The following PIK3AP1 variants were observed in gnomAD, a reference collection of about 807,000 sequenced individuals.
The protein encoded by PIK3AP1 is phosphoinositide 3-kinase adapter protein 1.
Under a neutral mutation model 88.1 loss-of-function variants are expected in PIK3AP1, and 21 were observed. The observed-to-expected ratio is 0.24, with a 90% CI of 0.17 to 0.34. PIK3AP1 has a LOEUF of 0.34. Ranked by LOEUF, PIK3AP1 falls within the 10% of genes least tolerant of loss-of-function variation. The pLI, the probability that PIK3AP1 is intolerant of heterozygous loss-of-function variation, is 1.00. For synonymous variants in PIK3AP1, 398 were observed against 400.0 expected, an observed-to-expected ratio of 1.00 and a Z score of 0.06; for missense variants, 828 against 1,035.7, an observed-to-expected ratio of 0.80 and a Z score of 2.75.
At chr10:96,636,783 C>T (rs547395728) in intron 8 of PIK3AP1, among the ~76,000 whole-genome samples, 2 of 152,326 alleles carry the variant, frequency 1.3e-5, no homozygotes, top group African/African-American at 4.8e-5. Flanking sequence ...TAGAGTCACA[C>T]TGCACTGTAC....
intron 2 of PIK3AP1, among the ~76,000 whole-genome samples, chr10:96,698,046 C>T (rs983650483): frequency 3.9e-5 from 6 of 152,152 alleles, no homozygotes; most frequent in Non-Finnish European, 7.3e-5. Context: ...TATTCCATTG[C>T]ATAGATGCAA....
intron 2 of PIK3AP1, among the ~76,000 whole-genome samples, chr10:96,664,797 C>G (rs1162577331): frequency 4.6e-5 from 7 of 152,164 alleles, no homozygotes; most frequent in Non-Finnish European, 1.0e-4. Context: ...CAGGGTTATT[C>G]TGGTGGCGCT....
At chr10:96,607,129 G>GT (rs879309505) in intron 14 of PIK3AP1, among the ~76,000 whole-genome samples, 5 of 151,866 alleles carry the variant, frequency 3.3e-5, no homozygotes, top group Non-Finnish European at 5.9e-5. Flanking sequence ...TAAAAACAGT[G>GT]TTTTTTTTAG....
intron 8 of PIK3AP1, chr10:96,633,003 C>T: frequency 6.2e-7 from 1 of 1,612,662 alleles, no homozygotes; most frequent in Non-Finnish European, 8.5e-7. Flanking sequence ...ATCTGATCAG[C>T]AACTCAGATG....
chr10:96,689,465 G>A (rs1050854642), intron 2 of PIK3AP1, among the ~76,000 whole-genome samples: 1 of 150,980 alleles, frequency 6.6e-6, no homozygotes, highest in Non-Finnish European at 1.5e-5. Context: ...AGCTACTCAG[G>A]AGGCCGAGGC....
chr10:96,653,405 C>CAA lies in PIK3AP1; in HGVS notation c.568-565_568-564dup, dbSNP rs779735112. ...GGGCAACAGAGGCAAGGCTCTGTCT[C>CAA]AAAAAAAAAAAAAAACACACACACA... On this transcript the variant is annotated intron_variant, in intron 3 of 16. Coordinates refer to ENST00000339364, the MANE Select transcript of PIK3AP1 (RefSeq NM_152309.3). 8.2e-4 allele frequency among the ~76,000 whole-genome samples: 55 copies of CAA among 67,358 alleles called. 1 individual carries two copies. The highest frequency in any genetic ancestry group is 1.5e-3 in the East Asian group (3 of 2,020). The allele number at this position is 67,358 out of a possible 152,430, so 44.2% of individuals were successfully genotyped here.
Position 96,709,944 on chromosome 10 carries a change from G to A in PIK3AP1, c.53C>T (p.Pro18Leu), listed in dbSNP as rs373505645. Residue 18 changes from proline to leucine, a missense_variant, in exon 2 of 17, where the codon CCG (proline) becomes CTG (leucine). Transcript: ENST00000339364. ...RGCDILIVYS[P>L]DAEEWCQYLQ... is the part of the protein sequence containing the mutation. ...GTACTGGCACCATTCCTCGGCATCC[G>A]GGCTGTAGACGATGAGGATGTCGCA... is the stretch of plus-strand genomic sequence containing the variant. 11 of 1,602,568 alleles carry A rather than the reference G, an allele frequency of 6.9e-6. No homozygotes were observed. The highest frequency in any genetic ancestry group is 3.3e-4 in the Middle Eastern group (2 of 6,042).
At position 96,673,124 on chromosome 10, in the gene PIK3AP1, A is replaced by G. The variant is rs9783228; in HGVS notation, c.431-16190T>C. On this transcript the variant is annotated intron_variant, in intron 2 of 16. Coordinates refer to ENST00000339364, the MANE Select transcript of PIK3AP1 (RefSeq NM_152309.3). ...CAGAAAACATGACCCAAAAGGGGAA[A>G]AGATTCTGCTAGGTGAGCTGCATCT... Among the ~76,000 whole-genome samples, 781 of 152,332 alleles carry G rather than the reference A, an allele frequency of 5.1e-3. 7 individuals are homozygous for G. Among genetic ancestry groups the G allele is most frequent in the African/African-American group, 0.018 (750 of 41,576 alleles).
chr10:96,663,348 G>A (rs1232779105), intron 2 of PIK3AP1, among the ~76,000 whole-genome samples: 1 of 152,002 alleles, frequency 6.6e-6, no homozygotes, highest in African/African-American at 2.4e-5. Context: ...ACCAATGGCA[G>A]GCTGGGCGCG....
At chr10:96,704,718 CAAAAAGAAAAAAAAAAGA>C (rs1844340498) in intron 2 of PIK3AP1, among the ~76,000 whole-genome samples, 1 of 143,174 alleles carries the variant, frequency 7.0e-6, no homozygotes, top group Admixed American at 7.1e-5. Context: ...GACTCTATCT[CAAAAAGAAAAAAAAAAGA>C]AAAAAGAAAA....
intron 8 of PIK3AP1, among the ~76,000 whole-genome samples, chr10:96,629,120 A>C (rs1419602564): frequency 1.3e-5 from 2 of 151,862 alleles, no homozygotes; most frequent in Non-Finnish European, 2.9e-5. Context: ...GTAACAATTA[A>C]AAACAATGTA....
intron 16 of PIK3AP1, among the ~76,000 whole-genome samples, chr10:96,597,351 CCTCCCTCTCTCT>C (rs1848786287): frequency 5.1e-5 from 1 of 19,470 alleles, no homozygotes; most frequent in African/African-American, 1.5e-4. Context: ...TCCCTCCCTC[CCTCCCTCTCTCT>C]CTCTCTCTCT....
chr10:96,613,404 C>T lies in PIK3AP1; in HGVS notation c.2014+3235G>A, dbSNP rs1321505592. Among the ~76,000 whole-genome samples, 4 of 152,144 alleles carry T rather than the reference C, an allele frequency of 2.6e-5. No individual in the cohort carries two copies. In the East Asian group the frequency reaches 5.8e-4, roughly 22 times the overall value. On this transcript the variant is annotated intron_variant, in intron 13 of 16. Transcript: ENST00000339364. ...AGGCCCTTGGGGCTGTCAGGCAGAACGTTCTCCCATATAGATTGCTTGCCG... is the reference window on the plus strand; with the variant it reads ...AGGCCCTTGGGGCTGTCAGGCAGAATGTTCTCCCATATAGATTGCTTGCCG...
At chr10:96,711,787 G>C (rs1424871941) in intron 1 of PIK3AP1, among the ~76,000 whole-genome samples, 1 of 110,014 alleles carries the variant, frequency 9.1e-6, no homozygotes, top group Admixed American at 1.4e-4. Context: ...GTCTCGCTCT[G>C]TCGCCCAGGC....
At chr10:96,606,368 C>T (rs1003266334) in intron 14 of PIK3AP1, among the ~76,000 whole-genome samples, 9 of 152,216 alleles carry the variant, frequency 5.9e-5, no homozygotes, top group African/African-American at 1.4e-4. Flanking sequence ...CATTCCCTTA[C>T]GATGAGCCAT....
At chr10:96,688,966 G>T (rs1189967797) in intron 2 of PIK3AP1, among the ~76,000 whole-genome samples, 1 of 151,766 alleles carries the variant, frequency 6.6e-6, no homozygotes, top group East Asian at 1.9e-4. Flanking sequence ...ACAAGAGATA[G>T]CCCTTTAGCT....
intron 2 of PIK3AP1, among the ~76,000 whole-genome samples, chr10:96,676,398 C>G (rs572816468): frequency 9.2e-4 from 138 of 150,376 alleles, no homozygotes; most frequent in African/African-American, 3.2e-3. Flanking sequence ...ACCAGAGTCA[C>G]AGAGTGTCCC....
chr10:96,687,020 AC>A (rs1447508362), intron 2 of PIK3AP1, among the ~76,000 whole-genome samples: 1 of 151,798 alleles, frequency 6.6e-6, no homozygotes, highest in Non-Finnish European at 1.5e-5. Context: ...CTCCTTTCAG[AC>A]CGAGGCGGGT....
intron 8 of PIK3AP1, chr10:96,632,834 C>A: frequency 6.3e-7 from 1 of 1,587,334 alleles, no homozygotes; most frequent in Non-Finnish European, 8.6e-7. Flanking sequence ...ACTACACATC[C>A]ACCAGTCCAA....
Sources: gnomAD v4.1 joint callset for allele counts (sites outside exome capture counted in the v4.1 genomes callset) on GRCh38, gnomAD v4.1.1 for gene constraint, MANE v1.5 for transcripts, NCBI Gene and HGNC (gene_info 2026-07-23, HGNC 2026-07-21) for gene names.